NBDY: variants seen among roughly 807,000 people sequenced by gnomAD.
The protein encoded by NBDY is negative regulator of P-body association.
chrX:56,754,084 A>G (rs1393915684), intron 2 of NBDY, among the ~76,000 whole-genome samples: 4 of 111,524 alleles, frequency 3.6e-5, no homozygotes, highest in African/African-American at 1.3e-4. Flanking sequence ...GAAAGATCAA[A>G]TAAAGAGGAA....
At chrX:56,739,876 A>G (rs182322342) in intron 2 of NBDY, among the ~76,000 whole-genome samples, 317 of 111,794 alleles carry the variant, frequency 2.8e-3, no homozygotes, top group African/African-American at 9.6e-3. Flanking sequence ...TTCTTGACTG[A>G]ATCAGATATT....
chrX:56,784,511 C>T (rs781353420), intron 2 of NBDY, among the ~76,000 whole-genome samples: 1 of 111,938 alleles, frequency 8.9e-6, no homozygotes. Context: ...CTCACTGGAA[C>T]GTGGTGGTTC....
intron 2 of NBDY, among the ~76,000 whole-genome samples, chrX:56,763,965 G>A (rs1020091505): frequency 8.9e-6 from 1 of 112,672 alleles, no homozygotes; most frequent in African/African-American, 3.2e-5. Flanking sequence ...AGAAACCGGA[G>A]GCAGCTGGGC....
At chrX:56,765,757 C>A (rs2069662321) in intron 2 of NBDY, among the ~76,000 whole-genome samples, 1 of 110,778 alleles carries the variant, frequency 9.0e-6, no homozygotes, top group Non-Finnish European at 1.9e-5. Flanking sequence ...CCTCCTTTTT[C>A]TTTTTCTTCT....
intron 2 of NBDY, among the ~76,000 whole-genome samples, chrX:56,804,616 T>A (rs942545192): frequency 8.9e-6 from 1 of 112,346 alleles, no homozygotes; most frequent in Non-Finnish European, 1.9e-5. Flanking sequence ...GAAGTGAAGG[T>A]TGAGGCTGGC....
rs1322178315 is a variant in NBDY at position 56,730,093 on chromosome X, AT to A, written c.*29+515del. 8.5e-5 allele frequency among the ~76,000 whole-genome samples: 9 copies of A among 106,410 alleles called. No homozygotes were observed. The East Asian group carries it at 8.8e-4, about 10-fold the overall frequency. The allele number at this position is 106,410 out of a possible 115,157, so 92.4% of individuals were successfully genotyped here. A position where few individuals can be genotyped will look rare whatever the true frequency, so the allele number is the denominator to read the frequency against. ...TCTCTGTGTAAGGCAGGAGAGTTGA[AT>A]TTTTTTTTTTAAAGCTACAATGTGA... On this transcript the variant is annotated intron_variant, in intron 1 of 2. Coordinates refer to ENST00000374922, the MANE Select transcript of NBDY (RefSeq NM_001348129.2).
intron 2 of NBDY, among the ~76,000 whole-genome samples, chrX:56,815,574 CT>C (rs1157258309): frequency 8.9e-6 from 1 of 111,746 alleles, no homozygotes; most frequent in Admixed American, 9.5e-5. Context: ...AATTGTTTAA[CT>C]TTTTTATTAT....
At chrX:56,785,671 C>G (rs901370098) in intron 2 of NBDY, among the ~76,000 whole-genome samples, 1 of 111,574 alleles carries the variant, frequency 9.0e-6, no homozygotes, top group African/African-American at 3.3e-5. Flanking sequence ...TCTATGCAGT[C>G]GCGGTGCAGA....
chrX:56,764,731 C>T (rs983133515), intron 2 of NBDY, among the ~76,000 whole-genome samples: 2 of 67,496 alleles, frequency 3.0e-5, no homozygotes, highest in African/African-American at 7.8e-5. Flanking sequence ...AAGAAACTGG[C>T]CTAGGAGCAC....
At chrX:56,756,565 TTGC>T (rs1284020682) in intron 2 of NBDY, among the ~76,000 whole-genome samples, 1 of 111,674 alleles carries the variant, frequency 9.0e-6, no homozygotes, top group African/African-American at 3.2e-5. Flanking sequence ...CTTAAAAACA[TTGC>T]CTCTGTCAAT....
At chrX:56,765,600 A>T (rs1267227262) in intron 2 of NBDY, among the ~76,000 whole-genome samples, 4 of 110,924 alleles carry the variant, frequency 3.6e-5, no homozygotes, top group Non-Finnish European at 5.7e-5. Context: ...ATCCTTCGGG[A>T]CAGCTACAGT....
At chrX:56,733,547 T>C (rs1208705935) in intron 2 of NBDY, among the ~76,000 whole-genome samples, 1 of 111,649 alleles carries the variant, frequency 9.0e-6, no homozygotes, top group Non-Finnish European at 1.9e-5. Context: ...GTTGTCATCC[T>C]GAAAAATGAA....
At chrX:56,816,043 G>A (rs1011526774) in intron 2 of NBDY, among the ~76,000 whole-genome samples, 3 of 110,338 alleles carry the variant, frequency 2.7e-5, no homozygotes, top group Non-Finnish European at 3.8e-5. Context: ...AATTTTATAC[G>A]AAGAAAAACA....
chrX:56,803,232 A>G (rs1164056873), intron 2 of NBDY, among the ~76,000 whole-genome samples: 1 of 111,592 alleles, frequency 9.0e-6, no homozygotes, highest in African/African-American at 3.3e-5. Context: ...CCCTCTCCGA[A>G]AAAAGGGCAG....
intron 2 of NBDY, among the ~76,000 whole-genome samples, chrX:56,764,052 G>A (rs1163200823): frequency 8.9e-6 from 1 of 112,249 alleles, no homozygotes; most frequent in East Asian, 2.8e-4. Flanking sequence ...GACAAGAGAG[G>A]AACTCCAAGC....
chrX:56,782,702 G>A (rs1159966685), intron 2 of NBDY, among the ~76,000 whole-genome samples: 2 of 111,343 alleles, frequency 1.8e-5, no homozygotes, highest in Admixed American at 9.5e-5. Flanking sequence ...AGTTTGGCAA[G>A]TTGTCCCGTG....
chrX:56,749,485 T>C (rs1489735271), intron 2 of NBDY, among the ~76,000 whole-genome samples: 3 of 111,249 alleles, frequency 2.7e-5, no homozygotes, highest in African/African-American at 9.8e-5. Context: ...GTTTATCATT[T>C]TGGAAAATCG....
chrX:56,781,658 G>A (rs11091578), intron 2 of NBDY, among the ~76,000 whole-genome samples: 7 of 110,193 alleles, frequency 6.4e-5, no homozygotes, highest in Non-Finnish European at 1.3e-4. Context: ...CTTTTCGTCC[G>A]CTTCTGTTTA....
At chrX:56,730,258 A>C (rs1478973605) in intron 1 of NBDY, among the ~76,000 whole-genome samples, 1 of 108,603 alleles carries the variant, frequency 9.2e-6, no homozygotes, top group East Asian at 2.9e-4. Context: ...GCTCACGCCT[A>C]TTATCCTAGC....
Sources: gnomAD v4.1 joint callset for allele counts (sites outside exome capture counted in the v4.1 genomes callset) on GRCh38, gnomAD v4.1.1 for gene constraint, MANE v1.5 for transcripts, NCBI Gene and HGNC (gene_info 2026-07-23, HGNC 2026-07-21) for gene names.